The following SLIT2 variants were observed in gnomAD, a reference collection of about 807,000 sequenced individuals.
SLIT2 encodes the protein slit guidance ligand 2, also known as slit homolog 2 protein.
Under a neutral mutation model 185.7 loss-of-function variants are expected in SLIT2, and 41 were observed. That is an observed-to-expected ratio of 0.22 (90% CI 0.17 to 0.29). The LOEUF (loss-of-function observed/expected upper bound fraction) is 0.29, where lower values mean the gene tolerates loss of function less well. Among genes scored for constraint, SLIT2 ranks in the 10% least tolerant of loss-of-function variants. The probability of loss-of-function intolerance (pLI) is 1.00; values close to 1 mark genes in which losing one functional copy is unlikely to be tolerated. For missense variants in SLIT2, 1,571 were observed against 1,909.0 expected (o/e 0.82, Z 3.30); for synonymous variants, 693 against 680.2 (o/e 1.02, Z -0.29).
intron 4 of SLIT2, among the ~76,000 whole-genome samples, chr4:20,324,106 G>A (rs1240580772): frequency 1.3e-5 from 2 of 152,156 alleles, no homozygotes; most frequent in Non-Finnish European, 1.5e-5. Context: ...GCGAAACAGA[G>A]CTTGCTGAAG....
intron 18 of SLIT2, among the ~76,000 whole-genome samples, chr4:20,536,993 C>T (rs919577773): frequency 6.6e-6 from 1 of 152,152 alleles, no homozygotes; most frequent in Admixed American, 6.5e-5. Context: ...GGAAGGTCTT[C>T]AGGGGCAATA....
chr4:20,552,868 G>A (rs1453071870), intron 25 of SLIT2: 1 of 152,170 alleles, frequency 6.6e-6, no homozygotes, highest in African/African-American at 2.4e-5. Flanking sequence ...ATAAGGTTAT[G>A]AGTCCAGGTC....
chr4:20,415,165 A>T (rs1015224034), intron 4 of SLIT2, among the ~76,000 whole-genome samples: 4 of 152,180 alleles, frequency 2.6e-5, no homozygotes, highest in Admixed American at 6.5e-5. Flanking sequence ...TAATCCCAGC[A>T]CTTTGGGAGG....
intron 29 of SLIT2, among the ~76,000 whole-genome samples, chr4:20,574,145 G>A (rs1330475193): frequency 2.0e-5 from 3 of 151,666 alleles, no homozygotes; most frequent in Middle Eastern, 3.4e-3. Context: ...TAGTAGAGAC[G>A]GGATTTCACT....
At chr4:20,473,129 A>C (rs1251330895) in intron 5 of SLIT2, among the ~76,000 whole-genome samples, 3 of 151,528 alleles carry the variant, frequency 2.0e-5, no homozygotes, top group Non-Finnish European at 4.4e-5. Context: ...TGCTGCTTTA[A>C]TTTTGCAATA....
At position 20,589,830 on chromosome 4, in the gene SLIT2, C is replaced by T. The variant is rs918107513; in HGVS notation, c.3182+93C>T. ...CTCCTTCATCCTTAGCTTCACACCT[C>T]TGCTCAGGATTAAAGGGACCTATTC... On this transcript the variant is annotated intron_variant, in intron 30 of 36. Coordinates refer to ENST00000504154, the MANE Select transcript of SLIT2 (RefSeq NM_004787.4). 7 of 801,630 alleles carry T rather than the reference C, an allele frequency of 8.7e-6. No individual in the cohort carries two copies. In the African/African-American group the frequency reaches 1.0e-4, roughly 12 times the overall value. The allele number at this position is 801,630 out of a possible 1,614,324, so 49.7% of individuals were successfully genotyped here. A position where few individuals can be genotyped will look rare whatever the true frequency, so the allele number is the denominator to read the frequency against.
intron 9 of SLIT2, among the ~76,000 whole-genome samples, chr4:20,506,440 T>G (rs921012165): frequency 1.3e-5 from 2 of 151,968 alleles, no homozygotes; most frequent in African/African-American, 4.8e-5. Flanking sequence ...TCTATAAAAT[T>G]CAGCAGCTTC....
Position 20,306,286 on chromosome 4 carries a change from C to G in SLIT2, c.395+37405C>G, listed in dbSNP as rs370955172. On this transcript the variant is annotated intron_variant, in intron 4 of 36. Transcript: ENST00000504154. ...TTTATTTTTAAATACACAAGACTAT[C>G]TTTTGATCATTACGTTTCCTGTTTT... is the stretch of plus-strand genomic sequence containing the variant. Among the ~76,000 whole-genome samples, 18 of 152,204 alleles carry G rather than the reference C, an allele frequency of 1.2e-4. No individual in the cohort carries two copies. The East Asian group carries it at 1.7e-3, about 15-fold the overall frequency.
intron 34 of SLIT2, among the ~76,000 whole-genome samples, chr4:20,613,474 A>C (rs1259743435): frequency 6.6e-6 from 1 of 152,128 alleles, no homozygotes; most frequent in Non-Finnish European, 1.5e-5. Context: ...ATGGACACAG[A>C]GAGGGGAACA....
intron 4 of SLIT2, among the ~76,000 whole-genome samples, chr4:20,463,748 TGCCTGTA>T (rs1191410824): frequency 6.7e-6 from 1 of 149,448 alleles, no homozygotes; most frequent in African/African-American, 2.5e-5. Context: ...TGGTGGCGGG[TGCCTGTA>T]GTCCCAGCTA....
intron 4 of SLIT2, among the ~76,000 whole-genome samples, chr4:20,321,796 C>T (rs1458183387): frequency 6.6e-6 from 1 of 152,180 alleles, no homozygotes; most frequent in African/African-American, 2.4e-5. Flanking sequence ...AAATTATCTG[C>T]CAGAATCATT....
At chr4:20,403,585 G>T (rs1186889356) in intron 4 of SLIT2, among the ~76,000 whole-genome samples, 2 of 151,872 alleles carry the variant, frequency 1.3e-5, no homozygotes, top group Non-Finnish European at 2.9e-5. Flanking sequence ...ACTACCTACT[G>T]GGAGCGTTCA....
chr4:20,302,219 C>A (rs1717117918), intron 4 of SLIT2, among the ~76,000 whole-genome samples: 2 of 152,082 alleles, frequency 1.3e-5, no homozygotes. Context: ...GTATTTCTTT[C>A]AATTTAAAAT....
chr4:20,525,135 CTT>C lies in SLIT2; in HGVS notation c.1439-8_1439-7del. 1.2e-6 allele frequency: 2 copies of C among 1,603,150 alleles called. No individual in the cohort carries two copies. Among genetic ancestry groups the C allele is most frequent in the Non-Finnish European group, 1.7e-6 (2 of 1,170,508 alleles). On this transcript the variant is annotated splice_polypyrimidine_tract_variant and intron_variant, in intron 14 of 36. Transcript: ENST00000504154. ...CAGGTGCATCTTCTATTTTTTGTCT[CTT>C]TTTTTATTTAGCTAAAGAACAGTAT...
intron 4 of SLIT2, among the ~76,000 whole-genome samples, chr4:20,331,235 G>A (rs1019835374): frequency 6.6e-6 from 1 of 152,074 alleles, no homozygotes; most frequent in African/African-American, 2.4e-5. Context: ...AATAAATTAT[G>A]ATGGCATAGG....
At chr4:20,312,070 G>A (rs1401887227) in intron 4 of SLIT2, among the ~76,000 whole-genome samples, 1 of 152,194 alleles carries the variant, frequency 6.6e-6, no homozygotes, top group African/African-American at 2.4e-5. Context: ...TTATGACCAT[G>A]ATAGTTTATG....
chr4:20,465,252 A>T (rs1253872451), intron 4 of SLIT2, among the ~76,000 whole-genome samples: 1 of 152,204 alleles, frequency 6.6e-6, no homozygotes, highest in Non-Finnish European at 1.5e-5. Flanking sequence ...CTCATTGTTT[A>T]GCATGAACAC....
chr4:20,496,685 T>C (rs1718256472), intron 9 of SLIT2, among the ~76,000 whole-genome samples: 1 of 152,180 alleles, frequency 6.6e-6, no homozygotes, highest in Non-Finnish European at 1.5e-5. Flanking sequence ...GTAAACGTTC[T>C]ATGAAGGCAG....
chr4:20,372,034 T>C (rs1037925139), intron 4 of SLIT2, among the ~76,000 whole-genome samples: 7 of 152,182 alleles, frequency 4.6e-5, no homozygotes, highest in Non-Finnish European at 7.3e-5. Flanking sequence ...TTCATCATTC[T>C]GTTGCTTCAA....
Sources: allele counts gnomAD v4.1 joint callset (sites outside exome capture counted in the v4.1 genomes callset), GRCh38; gene constraint gnomAD v4.1.1; transcripts MANE v1.5; gene names NCBI Gene and HGNC (gene_info 2026-07-23, HGNC 2026-07-21).